The following LRRK2 variants were observed in gnomAD, a reference collection of about 807,000 sequenced individuals.
LRRK2 encodes leucine rich repeat kinase 2.
A neutral mutation model predicts 302.6 loss-of-function variants in LRRK2; 203 were observed. That is an observed-to-expected ratio of 0.67 (90% CI 0.60 to 0.75). LRRK2 has a LOEUF of 0.75. Ranked by LOEUF, LRRK2 falls within the 30% of genes least tolerant of loss-of-function variation. The pLI is 0.00. For synonymous variants in LRRK2, 1,066 were observed against 1,031.9 expected (o/e 1.03, Z -0.63); for missense variants, 2,830 against 2,951.0 (o/e 0.96, Z 0.95).
chr12:40,340,399 C>T lies in LRRK2; in HGVS notation c.6054C>T (p.Tyr2018=), dbSNP rs150219613. 8.8e-5 allele frequency: 142 copies of T among 1,613,824 alleles called. No individual in the cohort carries two copies. Among genetic ancestry groups the T allele is most frequent in the East Asian group, 4.7e-4 (21 of 44,878 alleles). ...CCATCATTGCAAAGATTGCTGACTA[C>T]GGCATTGCTCAGTACTGCTGTAGAA... ...NAAIIAKIAD[Y]GIAQYCCRMG... is the part of the protein sequence containing the mutation. Residue 2018 remains tyrosine (Y), a synonymous_variant, in exon 41 of 51, where the codon TAC becomes TAT. Transcript: ENST00000298910.
Position 40,367,869 on chromosome 12 carries a change from T to G in LRRK2, c.*104T>G. ...GAAAGGGTACTCACATTTTTTGAAA[T>G]AGCTCGTGTGTATGAAGGAATGTTA... On this transcript the variant is annotated 3_prime_UTR_variant, in exon 51 of 51. Transcript: ENST00000298910. The G allele has an allele frequency of 9.4e-7, 1 of 1,060,416 alleles. No individual in the cohort carries two copies. The highest frequency in any genetic ancestry group is 2.7e-5 in the East Asian group (1 of 36,940). 65.7% of individuals were successfully genotyped at this position (1,060,416 alleles called of 1,614,324 possible).
intron 48 of LRRK2, among the ~76,000 whole-genome samples, chr12:40,364,332 C>G (rs902835249): frequency 6.6e-6 from 1 of 151,934 alleles, no homozygotes; most frequent in Non-Finnish European, 1.5e-5. Context: ...TTCCTTACTT[C>G]CTGAAGTACC....
At chr12:40,269,459 T>C (rs759996589) in intron 14 of LRRK2, among the ~76,000 whole-genome samples, 4 of 152,128 alleles carry the variant, frequency 2.6e-5, no homozygotes, top group African/African-American at 4.8e-5. Context: ...TTTGAGATAG[T>C]AGTTGCTCCA....
chr12:40,298,258 A>G lies in LRRK2; in HGVS notation c.3112A>G (p.Thr1038Ala). The G allele has an allele frequency of 6.2e-7, 1 of 1,613,520 alleles. No homozygotes were observed. The highest frequency in any genetic ancestry group is 1.1e-5 in the South Asian group (1 of 91,068). Residue 1038 changes from threonine to alanine, a missense_variant, in exon 24 of 51, where the codon ACA (threonine) becomes GCA (alanine). Thr to Ala is a moderately conservative substitution (Grantham distance 58). This residue lies in a region of LRRK2 where 2,121 missense variants were observed against 2,148.0 expected (regional missense o/e 0.99). Transcript: ENST00000298910. ...GTCTTTTCAGACTCTGAAGAGTTTG[A>G]CACATTTGGACTTGCACAGTAATAA... The part of the protein sequence containing the change: ...QQLCETLKSL[T>A]HLDLHSNKFT...
chr12:40,231,891 C>T (rs1314610924), intron 2 of LRRK2, among the ~76,000 whole-genome samples: 5 of 151,188 alleles, frequency 3.3e-5, no homozygotes, highest in African/African-American at 1.2e-4. Flanking sequence ...GCACCCTCTG[C>T]CTCCTGGGTT....
rs192841527 is a variant in LRRK2 at position 40,367,102 on chromosome 12, T to A, written c.7462+25T>A. 3.4e-4 allele frequency: 521 copies of A among 1,549,704 alleles called. 1 individual carries two copies. In the East Asian group the frequency reaches 6.8e-3, roughly 20 times the overall value. ...GGTAACATTTAGAAGGATACTGTTT[T>A]CCAAACAGGGCAATGATGTGAATGA... On this transcript the variant is annotated intron_variant, in intron 50 of 50. Coordinates refer to ENST00000298910, the MANE Select transcript of LRRK2 (RefSeq NM_198578.4).
chr12:40,340,213 A>G, intron 40 of LRRK2, 81 bp from the exon 41 acceptor site: 1 of 1,423,550 alleles, frequency 7.0e-7, no homozygotes, highest in South Asian at 1.2e-5. Context: ...CATAGTGGAC[A>G]TTTATATTTA....
chr12:40,252,504 G>A (rs1055299436), intron 10 of LRRK2, among the ~76,000 whole-genome samples: 2 of 152,042 alleles, frequency 1.3e-5, no homozygotes, highest in African/African-American at 4.8e-5. Flanking sequence ...ATATCCATAA[G>A]ATAACTTTAA....
intron 12 of LRRK2, among the ~76,000 whole-genome samples, chr12:40,258,465 A>T (rs1011008117): frequency 2.0e-5 from 3 of 152,160 alleles, no homozygotes; most frequent in Non-Finnish European, 4.4e-5. Context: ...TGAGGCAAAA[A>T]CACAGCGGAA....
chr12:40,365,293 C>G (rs1946843078), intron 49 of LRRK2: 1 of 450,310 alleles, frequency 2.2e-6, no homozygotes, highest in African/African-American at 2.0e-5. Context: ...TTGGGTCTTA[C>G]TTGCTTTTTT....
chr12:40,250,420 G>T (rs1441360386), intron 8 of LRRK2, among the ~76,000 whole-genome samples: 4 of 152,158 alleles, frequency 2.6e-5, no homozygotes, highest in African/African-American at 4.8e-5. Flanking sequence ...GAACTGGAGG[G>T]TAGGAGTTGA....
intron 3 of LRRK2, 130 bp downstream of exon 3, chr12:40,232,513 TC>T (rs1466830536): frequency 1.4e-6 from 1 of 726,766 alleles, no homozygotes; most frequent in African/African-American, 1.8e-5. Flanking sequence ...CAGATATTTT[TC>T]CTTGAGTCAA....
Position 40,259,537 on chromosome 12 carries a change from A to G in LRRK2, c.1476A>G (p.Lys492=), listed in dbSNP as rs748115010. 53 of 1,613,418 alleles carry G rather than the reference A, an allele frequency of 3.3e-5. 1 individual carries two copies. The South Asian group carries it at 5.8e-4, about 18-fold the overall frequency. ...TCCCCAAAATACTAACAGTTATGAAACGTCATGAGACATCATTACCAGTGC... is the reference window on the plus strand; with the variant it reads ...TCCCCAAAATACTAACAGTTATGAAGCGTCATGAGACATCATTACCAGTGC... ...AVVPKILTVM[K]RHETSLPVQL... The change falls in exon 13 of 51, where the codon AAA becomes AAG. Residue 492 remains lysine, a synonymous_variant. Coordinates refer to ENST00000298910, the MANE Select transcript of LRRK2 (RefSeq NM_198578.4).
intron 43 of LRRK2, 140 bp from the exon 44 acceptor site, chr12:40,351,399 C>A: frequency 1.5e-6 from 1 of 680,344 alleles, no homozygotes; most frequent in Non-Finnish European, 2.5e-6. Flanking sequence ...GATTACTAAT[C>A]TTGGTGATCT....
At chr12:40,345,391 G>A (rs997042770) in intron 41 of LRRK2, among the ~76,000 whole-genome samples, 2 of 151,976 alleles carry the variant, frequency 1.3e-5, no homozygotes, top group Non-Finnish European at 2.9e-5. Flanking sequence ...GGGAGGCCGA[G>A]GTGGGTGGAT....
chr12:40,329,031 GTT>G (rs1300516299), intron 39 of LRRK2, among the ~76,000 whole-genome samples: 1 of 152,092 alleles, frequency 6.6e-6, no homozygotes, highest in East Asian at 1.9e-4. Context: ...GAAAGAAGAA[GTT>G]TAATGCATGA....
chr12:40,283,945 T>A lies in LRRK2; in HGVS notation c.2312T>A (p.Val771Glu). The A allele has an allele frequency of 6.2e-7, 1 of 1,613,878 alleles. No individual in the cohort carries two copies. The highest frequency in any genetic ancestry group is 8.5e-7 in the Non-Finnish European group (1 of 1,179,826). Residue 771 changes from valine to glutamate, a missense_variant, in exon 19 of 51, where the codon GTA becomes GAA. Physicochemically the swap from Val to Glu is moderately radical, Grantham distance 121. Transcript: ENST00000298910. Reference protein sequence around the residue: ...LLNSGSREQDVRKALTISIGK... With the variant: ...LLNSGSREQDERKALTISIGK... ...AATAGTGGATCTCGTGAACAAGATG[T>A]ACGAAAAGCGTTGACGATAAGCATT...
intron 20 of LRRK2, among the ~76,000 whole-genome samples, chr12:40,288,014 CTT>C (rs1038283994): frequency 1.3e-5 from 2 of 151,842 alleles, no homozygotes; most frequent in Non-Finnish European, 2.9e-5. Flanking sequence ...TAATAGCTCA[CTT>C]GAGATAACTT....
Position 40,310,589 on chromosome 12 carries a change from G to A in LRRK2, c.4476G>A (p.Glu1492=). 8 of 1,612,512 alleles carry A rather than the reference G, an allele frequency of 5.0e-6. No homozygotes were observed. Among genetic ancestry groups the A allele is most frequent in the Non-Finnish European group, 6.8e-6 (8 of 1,179,658 alleles). ...ATTACCACTTTGTGAATGCCACCGA[G>A]GAATCTGATGCTTTGGCAAAACTTC... The part of the protein sequence containing the change: ...IRDYHFVNAT[E]ESDALAKLRK... The change falls in exon 31 of 51, where the codon GAG becomes GAA. Residue 1492 remains glutamate, a synonymous_variant. Transcript: ENST00000298910.
Sources: gnomAD v4.1 joint callset for allele counts (sites outside exome capture counted in the v4.1 genomes callset) on GRCh38, gnomAD v4.1.1 for gene constraint, gnomAD v4.1.1 regional missense constraint, MANE v1.5 for transcripts, NCBI Gene and HGNC (gene_info 2026-07-23, HGNC 2026-07-21) for gene names.